The following PDE6A variants were observed in gnomAD, a reference collection of about 807,000 sequenced individuals.
PDE6A encodes the protein phosphodiesterase 6A, also known as rod cGMP-specific 3',5'-cyclic phosphodiesterase subunit alpha.
Under a neutral mutation model 106.3 loss-of-function variants are expected in PDE6A, and 84 were observed. The ratio of observed to expected loss-of-function variants is 0.79; its 90% CI spans 0.66 to 0.95. PDE6A has a LOEUF of 0.95. Among genes scored for constraint, PDE6A ranks in the 40% least tolerant of loss-of-function variants. The pLI, the probability that PDE6A is intolerant of heterozygous loss-of-function variation, is 0.00. For missense variants in PDE6A, 1,052 were observed against 1,084.9 expected, an observed-to-expected ratio of 0.97 and a Z score of 0.43; for synonymous variants, 394 against 386.6, an observed-to-expected ratio of 1.02 and a Z score of -0.23.
Position 149,877,344 on chromosome 5 carries a change from G to C in PDE6A, c.2135+6085C>G, listed in dbSNP as rs114478056. On this transcript the variant is annotated intron_variant, in intron 17 of 21. Transcript: ENST00000255266. ...TGTAATCCCAGCACTTTGGGAGGCC[G>C]AGGTGTAAGAATGGCTTGAACCCAG... is the stretch of plus-strand genomic sequence containing the variant. 8.2e-3 allele frequency among the ~76,000 whole-genome samples: 1,250 copies of C among 152,196 alleles called. 15 individuals carry two copies. The highest frequency in any genetic ancestry group is 0.028 in the African/African-American group (1,152 of 41,544).
chr5:149,877,932 G>T (rs1248556836), intron 17 of PDE6A, among the ~76,000 whole-genome samples: 1 of 152,116 alleles, frequency 6.6e-6, no homozygotes, highest in Non-Finnish European at 1.5e-5. Flanking sequence ...ACCAATTTTG[G>T]TATACTAGGG....
At chr5:149,942,988 C>T (rs1350633355) in intron 1 of PDE6A, among the ~76,000 whole-genome samples, 1 of 151,354 alleles carries the variant, frequency 6.6e-6, no homozygotes, top group African/African-American at 2.4e-5. Context: ...TTCCTCTTAT[C>T]TTAACTGCAA....
intron 12 of PDE6A, among the ~76,000 whole-genome samples, 195 bp downstream of exon 12, chr5:149,896,161 C>G (rs576684595): frequency 1.3e-5 from 2 of 152,348 alleles, no homozygotes; most frequent in South Asian, 4.1e-4. Context: ...CAAAACATCA[C>G]ACTTCACAGG....
At chr5:149,884,296 A>ATG (rs1488732159) in intron 16 of PDE6A, among the ~76,000 whole-genome samples, 183 bp downstream of exon 16, 24 of 137,448 alleles carry the variant, frequency 1.7e-4, no homozygotes, top group African/African-American at 6.1e-4. Context: ...ATGTGTATAT[A>ATG]TGTATATATG....
intron 3 of PDE6A, 118 bp downstream of exon 3, chr5:149,933,812 G>A: frequency 1.4e-6 from 1 of 735,142 alleles, no homozygotes; most frequent in South Asian, 1.5e-5. Flanking sequence ...CACTCGTGAT[G>A]CTGGCCAGAG....
At chr5:149,931,317 C>A (rs1170689336) in intron 3 of PDE6A, 149 bp from the exon 4 acceptor site, 4 of 739,106 alleles carry the variant, frequency 5.4e-6, no homozygotes, top group African/African-American at 1.8e-5. Context: ...GGTTAACTAT[C>A]CCCTATTTTT....
intron 4 of PDE6A, 38 bp downstream of exon 4, chr5:149,930,990 T>C (rs749967958): frequency 1.2e-6 from 2 of 1,608,590 alleles, no homozygotes; most frequent in Non-Finnish European, 8.5e-7. Flanking sequence ...GTCTGTTTAA[T>C]CTTTTCTTGG....
intron 17 of PDE6A, among the ~76,000 whole-genome samples, chr5:149,869,155 C>T (rs1354732386): frequency 6.6e-6 from 1 of 152,002 alleles, no homozygotes; most frequent in Admixed American, 6.5e-5. Flanking sequence ...CTTGGTGAAA[C>T]CCTGTCTCTA....
chr5:149,878,266 C>T (rs545729878), intron 17 of PDE6A, among the ~76,000 whole-genome samples: 10 of 152,092 alleles, frequency 6.6e-5, no homozygotes, highest in East Asian at 3.9e-4. Context: ...CGTAAGGTCA[C>T]CTTGACTTTG....
chr5:149,933,840 C>G, intron 3 of PDE6A, 90 bp downstream of exon 3: 1 of 924,406 alleles, frequency 1.1e-6, no homozygotes, highest in Non-Finnish European at 1.7e-6. Context: ...TCCTAGGCAC[C>G]TTCATTCCCA....
intron 13 of PDE6A, among the ~76,000 whole-genome samples, chr5:149,889,112 T>C (rs1752445050): frequency 8.5e-6 from 1 of 118,098 alleles, no homozygotes; most frequent in Admixed American, 8.1e-5. Context: ...CAGAAGAAAA[T>C]TGTTTGAAGT....
chr5:149,942,593 G>A (rs1450379185), intron 1 of PDE6A, among the ~76,000 whole-genome samples: 2 of 152,052 alleles, frequency 1.3e-5, no homozygotes, highest in Admixed American at 1.3e-4. Context: ...GGGCCCAGGG[G>A]ACTGGCACTC....
At position 149,899,485 on chromosome 5, in the gene PDE6A, C is replaced by G; in HGVS notation, c.1153G>C (p.Val385Leu). The change falls in exon 9 of 22, where the codon GTG becomes CTG. Residue 385 changes from valine (V) to leucine (L), a missense_variant. Val to Leu is a conservative substitution (Grantham distance 32). Transcript: ENST00000255266. ...TTGTTCACAATCGGCATTGAAAGCA[C>G]ATTTTTAATCATCCATCCAGACTCA... The part of the protein sequence containing the change: ...LDESGWMIKN[V>L]LSMPIVNKKE... 6.2e-7 allele frequency: 1 copy of G among 1,614,112 alleles called. No homozygotes were observed. The highest frequency in any genetic ancestry group is 8.5e-7 in the Non-Finnish European group (1 of 1,179,958).
At position 149,872,995 on chromosome 5, in the gene PDE6A, G is replaced by C. The variant is rs145295795; in HGVS notation, c.2136-4837C>G. ...GATAAGCACAGCATGGATAAGCAGG[G>C]CCAGCTCGTCCATTCAACAGAGCAC... is the stretch of plus-strand genomic sequence containing the variant. On this transcript the variant is annotated intron_variant, in intron 17 of 21. Transcript: ENST00000255266. 5.7e-3 allele frequency among the ~76,000 whole-genome samples: 861 copies of C among 152,258 alleles called. 6 individuals are homozygous for C. The highest frequency in any genetic ancestry group is 0.01 in the Middle Eastern group (3 of 294).
At chr5:149,914,520 T>A (rs957469532) in intron 6 of PDE6A, among the ~76,000 whole-genome samples, 1 of 152,196 alleles carries the variant, frequency 6.6e-6, no homozygotes, top group Non-Finnish European at 1.5e-5. Flanking sequence ...AACGTTCCAC[T>A]TCACCAAATC....
chr5:149,867,637 A>G, intron 19 of PDE6A, 88 bp downstream of exon 19: 1 of 1,167,750 alleles, frequency 8.6e-7, no homozygotes, highest in Non-Finnish European at 1.3e-6. Context: ...TGGTAAAGTC[A>G]CACATCTCTC....
At chr5:149,911,719 G>T (rs1753392818) in intron 6 of PDE6A, among the ~76,000 whole-genome samples, 1 of 151,730 alleles carries the variant, frequency 6.6e-6, no homozygotes, top group Admixed American at 6.6e-5. Context: ...TAAATTATTG[G>T]CCATTGCATC....
At chr5:149,901,018 C>T (rs1435140659) in intron 8 of PDE6A, among the ~76,000 whole-genome samples, 3 of 152,030 alleles carry the variant, frequency 2.0e-5, no homozygotes, top group South Asian at 2.1e-4. Flanking sequence ...TGGGTTCAAG[C>T]GATTCTCCTG....
At chr5:149,921,999 G>A (rs545351669) in intron 4 of PDE6A, among the ~76,000 whole-genome samples, 3 of 152,122 alleles carry the variant, frequency 2.0e-5, no homozygotes, top group South Asian at 2.1e-4. Flanking sequence ...GGGTCTTTAC[G>A]GCTAAGAAAT....
Sources: gnomAD v4.1 joint callset for allele counts (sites outside exome capture counted in the v4.1 genomes callset) on GRCh38, gnomAD v4.1.1 for gene constraint, MANE v1.5 for transcripts, NCBI Gene and HGNC (gene_info 2026-07-23, HGNC 2026-07-21) for gene names.